Variants in PTPRT observed in about 807,000 individuals in gnomAD.
PTPRT encodes the protein protein tyrosine phosphatase receptor type T, also known as receptor-type tyrosine-protein phosphatase T.
PTPRT carries 56 observed loss-of-function variants against 176.8 expected under a neutral mutation model. That is an observed-to-expected ratio of 0.32 (90% confidence interval 0.26 to 0.40). The LOEUF (loss-of-function observed/expected upper bound fraction) is 0.40, where lower values mean the gene tolerates loss of function less well. PTPRT is among the 10% of genes least tolerant of loss of function. The pLI is 1.00. For missense variants in PTPRT, 1,540 were observed against 1,908.2 expected (o/e 0.81, Z 3.60); for synonymous variants, 783 against 739.0 (o/e 1.06, Z -0.96).
At chr20:42,778,484 AAAGT>A (rs1321017002) in intron 4 of PTPRT, among the ~76,000 whole-genome samples, 15 of 152,320 alleles carry the variant, frequency 9.8e-5, no homozygotes, top group African/African-American at 3.6e-4. Flanking sequence ...CATCCAGCAC[AAAGT>A]AAGAAGCAGG....
chr20:42,101,942 C>T (rs1486361598), intron 26 of PTPRT, among the ~76,000 whole-genome samples, 182 bp downstream of exon 26: 1 of 152,118 alleles, frequency 6.6e-6, no homozygotes, highest in African/African-American at 2.4e-5. Flanking sequence ...AGCCAAGAGC[C>T]CACCTTGTGT....
chr20:42,441,839 C>T (rs1464236491), intron 9 of PTPRT, among the ~76,000 whole-genome samples: 1 of 152,150 alleles, frequency 6.6e-6, no homozygotes, highest in Non-Finnish European at 1.5e-5. Flanking sequence ...CAGCCTGGCT[C>T]GAGTTATACT....
At chr20:42,446,580 ATG>A (rs372328206) in intron 9 of PTPRT, among the ~76,000 whole-genome samples, 23,863 of 139,142 alleles carry the variant, frequency 0.17, 2,070 homozygotes, top group East Asian at 0.28. Flanking sequence ...TTTCATGTAA[ATG>A]TGTGTGTGTG....
chr20:42,595,332 G>T (rs1041258333), intron 7 of PTPRT, among the ~76,000 whole-genome samples: 1 of 151,996 alleles, frequency 6.6e-6, no homozygotes, highest in African/African-American at 2.4e-5. Context: ...TTGTGGAACT[G>T]CTCAGTGCAC....
At chr20:42,905,859 T>C (rs574365842) in intron 1 of PTPRT, among the ~76,000 whole-genome samples, 8 of 150,054 alleles carry the variant, frequency 5.3e-5, no homozygotes, top group South Asian at 2.1e-4. Flanking sequence ...TAGGTGGGAA[T>C]TGAACAATGA....
chr20:43,036,382 C>T (rs948463081), intron 1 of PTPRT, among the ~76,000 whole-genome samples: 4 of 152,036 alleles, frequency 2.6e-5, no homozygotes, highest in Non-Finnish European at 5.9e-5. Context: ...CAGATATGCA[C>T]CACTATGCCC....
intron 1 of PTPRT, among the ~76,000 whole-genome samples, chr20:42,900,101 C>T (rs536864322): frequency 2.6e-4 from 39 of 152,160 alleles, no homozygotes; most frequent in Non-Finnish European, 4.9e-4. Flanking sequence ...AGAGATATTC[C>T]GCAAAGCATT....
chr20:42,143,308 C>A (rs1366595064), intron 17 of PTPRT, among the ~76,000 whole-genome samples: 1 of 152,042 alleles, frequency 6.6e-6, no homozygotes, highest in Non-Finnish European at 1.5e-5. Context: ...GTAATCCCAG[C>A]ACTTTGGGAG....
intron 1 of PTPRT, among the ~76,000 whole-genome samples, chr20:43,100,097 C>T (rs548841961): frequency 1.3e-5 from 2 of 152,282 alleles, no homozygotes; most frequent in East Asian, 3.9e-4. Context: ...CACAATGTGT[C>T]GGGCACAGTG....
chr20:43,079,442 T>C (rs1381152085), intron 1 of PTPRT, among the ~76,000 whole-genome samples: 1 of 152,188 alleles, frequency 6.6e-6, no homozygotes, highest in Non-Finnish European at 1.5e-5. Flanking sequence ...CTGGAAATGC[T>C]GTGATATTAT....
intron 16 of PTPRT, among the ~76,000 whole-genome samples, chr20:42,196,277 A>G (rs1329633654): frequency 6.6e-6 from 1 of 152,322 alleles, no homozygotes; most frequent in East Asian, 1.9e-4. Context: ...AAAGCAGGGG[A>G]TCCAGTGACA....
At chr20:43,166,256 G>C (rs2014855782) in intron 1 of PTPRT, among the ~76,000 whole-genome samples, 3 of 151,986 alleles carry the variant, frequency 2.0e-5, no homozygotes, top group Middle Eastern at 3.4e-3. Context: ...GAACCCAGGA[G>C]GCAGAAGTTG....
chr20:42,540,314 AG>A (rs1452226260), intron 7 of PTPRT, among the ~76,000 whole-genome samples: 4 of 152,168 alleles, frequency 2.6e-5, no homozygotes, highest in Non-Finnish European at 5.9e-5. Context: ...CAATGACGGA[AG>A]GTCTTCACAT....
intron 2 of PTPRT, among the ~76,000 whole-genome samples, chr20:42,796,160 A>G (rs956863492): frequency 4.6e-5 from 7 of 152,230 alleles, no homozygotes; most frequent in African/African-American, 1.7e-4. Context: ...AGCAGAGACT[A>G]CAGGGTCTAG....
At chr20:42,064,380 ATC>A in the PTPRT span, among the ~76,000 whole-genome samples, 1 of 152,154 alleles carries the variant, frequency 6.6e-6, no homozygotes, top group Non-Finnish European at 1.5e-5. Flanking sequence ...TGTCTACTGA[ATC>A]TCTTAGTTTA....
chr20:42,059,592 A>G, the PTPRT span, among the ~76,000 whole-genome samples: 1 of 152,184 alleles, frequency 6.6e-6, no homozygotes, highest in Non-Finnish European at 1.5e-5. Context: ...TTCAGAAGCA[A>G]TAAGGAGAAG....
intron 9 of PTPRT, among the ~76,000 whole-genome samples, chr20:42,429,777 G>A (rs992275159): frequency 6.6e-6 from 1 of 152,234 alleles, no homozygotes; most frequent in Non-Finnish European, 1.5e-5. Flanking sequence ...CAAGTAGGAA[G>A]CCCTCATCCA....
intron 7 of PTPRT, among the ~76,000 whole-genome samples, chr20:42,537,051 T>A (rs1331776593): frequency 6.6e-6 from 1 of 152,002 alleles, no homozygotes; most frequent in Non-Finnish European, 1.5e-5. Context: ...ATGTAGTAAC[T>A]AAGTTGAAAA....
chr20:42,219,758 A>G (rs548805900), intron 15 of PTPRT, among the ~76,000 whole-genome samples: 11 of 152,332 alleles, frequency 7.2e-5, no homozygotes, highest in African/African-American at 2.6e-4. Context: ...TGGTAGGGCC[A>G]AGATCCAAAC....
Sources: allele counts gnomAD v4.1 joint callset (sites outside exome capture counted in the v4.1 genomes callset), GRCh38; gene constraint gnomAD v4.1.1; transcripts MANE v1.5; gene names NCBI Gene and HGNC (gene_info 2026-07-23, HGNC 2026-07-21).